The following SV2C variants were observed in gnomAD, a reference collection of about 807,000 sequenced individuals.
SV2C encodes synaptic vesicle glycoprotein 2C.
A neutral mutation model predicts 79.7 loss-of-function variants in SV2C; 49 were observed. That is an observed-to-expected ratio of 0.61 (90% CI 0.49 to 0.78). The LOEUF is 0.78. Among genes scored for constraint, SV2C ranks in the 30% least tolerant of loss-of-function variants. The pLI, the probability that SV2C is intolerant of heterozygous loss-of-function variation, is 0.00. For synonymous variants in SV2C, 334 were observed against 333.2 expected (o/e 1.00, Z -0.03); for missense variants, 833 against 912.9 (o/e 0.91, Z 1.13).
At chr5:75,957,687 C>CAAGT in the SV2C span, among the ~76,000 whole-genome samples, 12 of 152,134 alleles carry the variant, frequency 7.9e-5, no homozygotes, top group African/African-American at 2.6e-4. Flanking sequence ...TTGCATATGG[C>CAAGT]AAGTACACTG....
chr5:76,198,050 T>C (rs922529564), intron 3 of SV2C, among the ~76,000 whole-genome samples: 86 of 152,266 alleles, frequency 5.6e-4, no homozygotes, highest in Non-Finnish European at 2.2e-4. Flanking sequence ...GCCTTTTTGT[T>C]CTCTCCAGGT....
At chr5:76,162,213 T>C (rs529795987) in intron 2 of SV2C, among the ~76,000 whole-genome samples, 26 of 152,336 alleles carry the variant, frequency 1.7e-4, no homozygotes, top group African/African-American at 6.3e-4. Context: ...ATAATGATAT[T>C]CTTGAGGTTG....
At chr5:75,960,429 G>A in the SV2C span, among the ~76,000 whole-genome samples, 1 of 151,892 alleles carries the variant, frequency 6.6e-6, no homozygotes, top group Admixed American at 6.6e-5. Context: ...TGTCATAGCT[G>A]TTATAAGATT....
the SV2C span, among the ~76,000 whole-genome samples, chr5:75,886,579 C>T: frequency 1.3e-5 from 2 of 152,114 alleles, no homozygotes; most frequent in African/African-American, 4.8e-5. Context: ...ATCCTGAAGC[C>T]ATTCTGGCTT....
intron 12 of SV2C, among the ~76,000 whole-genome samples, chr5:76,342,577 T>C (rs983599972): frequency 2.6e-5 from 4 of 152,108 alleles, no homozygotes; most frequent in Admixed American, 2.6e-4. Context: ...CAGGGCACAC[T>C]CTGGAGCTGG....
At chr5:75,909,273 G>A in the SV2C span, among the ~76,000 whole-genome samples, 1 of 152,370 alleles carries the variant, frequency 6.6e-6, no homozygotes, top group African/African-American at 2.4e-5. Flanking sequence ...CTATCCCAGT[G>A]GAGGGACACT....
chr5:75,951,289 C>T, the SV2C span, among the ~76,000 whole-genome samples: 1 of 151,892 alleles, frequency 6.6e-6, no homozygotes. Context: ...CAATTGAGTG[C>T]AAACATGTCT....
At position 76,353,115 on chromosome 5, in the gene SV2C, A is replaced by AT. The variant is rs66963762; in HGVS notation, c.2001-5dup. On this transcript the variant is annotated splice_polypyrimidine_tract_variant and intron_variant, in intron 12 of 12. Coordinates refer to the SV2C transcript ENST00000322285. Reference sequence around the variant, plus strand: ...GCCACCATGCCCAGCTAATTTTTTAATTTTTTTTTTGTAGACGCAGAGTCT... The same window carrying AT: ...GCCACCATGCCCAGCTAATTTTTTAATTTTTTTTTTTGTAGACGCAGAGTCT... 375 of 368,056 alleles carry AT rather than the reference A, an allele frequency of 1.0e-3. No individual in the cohort carries two copies. In the East Asian group the frequency reaches 0.014, roughly 14 times the overall value. The allele number at this position is 368,056 out of a possible 1,614,324, so 22.8% of individuals were successfully genotyped here. A position where few individuals can be genotyped will look rare whatever the true frequency, so the allele number is the denominator to read the frequency against.
chr5:76,334,881 C>T (rs1417094195), downstream of SV2C, among the ~76,000 whole-genome samples: 2 of 152,196 alleles, frequency 1.3e-5, no homozygotes, highest in Non-Finnish European at 2.9e-5. Context: ...AAGCACATGG[C>T]TCCTGACTGC....
At chr5:76,262,242 C>A (rs1374892763) in intron 4 of SV2C, among the ~76,000 whole-genome samples, 1 of 152,150 alleles carries the variant, frequency 6.6e-6, no homozygotes, top group Non-Finnish European at 1.5e-5. Flanking sequence ...TTATAGTATT[C>A]TCTGATGGTA....
At chr5:76,346,266 A>T (rs1366110464) in intron 12 of SV2C, among the ~76,000 whole-genome samples, 1 of 152,130 alleles carries the variant, frequency 6.6e-6, no homozygotes, top group Non-Finnish European at 1.5e-5. Flanking sequence ...CATTCTGAGG[A>T]TTTGTTACCT....
chr5:76,215,002 C>T (rs1744874192), intron 4 of SV2C, among the ~76,000 whole-genome samples: 1 of 152,122 alleles, frequency 6.6e-6, no homozygotes, highest in Non-Finnish European at 1.5e-5. Context: ...TTTTGATTCC[C>T]TTTCTTTCTT....
At chr5:76,032,249 C>CT in the SV2C span, among the ~76,000 whole-genome samples, 2 of 149,030 alleles carry the variant, frequency 1.3e-5, no homozygotes, top group African/African-American at 5.1e-5. Flanking sequence ...GATAAATAAT[C>CT]TTTTTTTATT....
chr5:76,114,807 A>G (rs1279615948), intron 1 of SV2C, among the ~76,000 whole-genome samples: 1 of 152,254 alleles, frequency 6.6e-6, no homozygotes. Context: ...CTTAGGTTTC[A>G]CAATCATCTT....
At chr5:75,877,269 G>T in the SV2C span, among the ~76,000 whole-genome samples, 2 of 152,012 alleles carry the variant, frequency 1.3e-5, no homozygotes, top group African/African-American at 2.4e-5. Context: ...TATGCACCTA[G>T]AAATAGAGCA....
chr5:75,924,439 A>ACATTTT, the SV2C span, among the ~76,000 whole-genome samples: 1 of 152,216 alleles, frequency 6.6e-6, no homozygotes, highest in South Asian at 2.1e-4. Flanking sequence ...TGTATTTCTT[A>ACATTTT]GTCAAACCTT....
At chr5:76,160,431 G>A (rs992682274) in intron 2 of SV2C, among the ~76,000 whole-genome samples, 1 of 152,164 alleles carries the variant, frequency 6.6e-6, no homozygotes, top group Admixed American at 6.6e-5. Context: ...AACCTCTATA[G>A]TTAATTGATT....
At chr5:75,921,470 G>T in the SV2C span, 4 of 796,504 alleles carry the variant, frequency 5.0e-6, no homozygotes, top group Admixed American at 3.4e-5. Flanking sequence ...CCATAAGGCA[G>T]TCGGTCTCTG....
At chr5:76,243,485 G>C (rs6863731) in intron 4 of SV2C, among the ~76,000 whole-genome samples, 45,848 of 152,032 alleles carry the variant, frequency 0.3, 7,545 homozygotes, top group Non-Finnish European at 0.37. Context: ...ACTGGGAAGA[G>C]AGATTTTTTT....
Sources: allele counts gnomAD v4.1 joint callset (sites outside exome capture counted in the v4.1 genomes callset), GRCh38; gene constraint gnomAD v4.1.1; transcripts MANE v1.5; gene names NCBI Gene and HGNC (gene_info 2026-07-23, HGNC 2026-07-21).